PCOLCE2: variants seen among roughly 807,000 people sequenced by gnomAD.
The protein encoded by PCOLCE2 is procollagen C-proteinase enhancer 2.
In PCOLCE2, 42 loss-of-function variants were observed where a neutral mutation model predicts 47.0. That is an observed-to-expected ratio of 0.89 (90% confidence interval 0.70 to 1.16). The LOEUF (loss-of-function observed/expected upper bound fraction) is 1.16, where lower values mean the gene tolerates loss of function less well. PCOLCE2 is among the 50% of genes most tolerant of loss of function. The pLI, the probability that PCOLCE2 is intolerant of heterozygous loss-of-function variation, is 0.00. For synonymous variants in PCOLCE2, 169 were observed against 191.7 expected (o/e 0.88, Z 0.98); for missense variants, 500 against 526.1 (o/e 0.95, Z 0.49).
At chr3:142,870,429 T>C (rs1280807001) in intron 2 of PCOLCE2, among the ~76,000 whole-genome samples, 1 of 152,164 alleles carries the variant, frequency 6.6e-6, no homozygotes, top group African/African-American at 2.4e-5. Flanking sequence ...AGCATCTGGG[T>C]AGGGTTTTGT....
intron 2 of PCOLCE2, among the ~76,000 whole-genome samples, chr3:142,881,588 A>G (rs1414935014): frequency 6.6e-6 from 1 of 152,172 alleles, no homozygotes; most frequent in Non-Finnish European, 1.5e-5. Flanking sequence ...AGTATAGCCT[A>G]TTGCTCCTAG....
chr3:142,855,750 T>A (rs888888563), intron 2 of PCOLCE2, among the ~76,000 whole-genome samples: 2 of 152,048 alleles, frequency 1.3e-5, no homozygotes, highest in Non-Finnish European at 2.9e-5. Context: ...CCTTTTGGAG[T>A]TCTCTTTTTG....
intron 2 of PCOLCE2, among the ~76,000 whole-genome samples, chr3:142,886,223 C>T (rs1933715516): frequency 6.6e-6 from 1 of 152,194 alleles, no homozygotes; most frequent in South Asian, 2.1e-4. Context: ...ACTGGACGTG[C>T]CCCCCAACCC....
intron 7 of PCOLCE2, among the ~76,000 whole-genome samples, chr3:142,822,087 T>C (rs1937022217): frequency 6.6e-6 from 1 of 151,986 alleles, no homozygotes; most frequent in Non-Finnish European, 1.5e-5. Context: ...CCAGCTAATT[T>C]TGTATTTTTA....
At chr3:142,862,243 C>T (rs184247702) in intron 2 of PCOLCE2, among the ~76,000 whole-genome samples, 162 of 152,332 alleles carry the variant, frequency 1.1e-3, no homozygotes, top group Non-Finnish European at 1.7e-3. Context: ...CTAACCTCAT[C>T]TGCCCTCCTG....
At chr3:142,829,653 C>A in intron 6 of PCOLCE2, 39 bp downstream of exon 6, 1 of 1,501,512 alleles carries the variant, frequency 6.7e-7, no homozygotes, top group South Asian at 1.3e-5. Context: ...TCTTATACTC[C>A]TAAAGTTTTT....
chr3:142,853,056 T>G (rs552670330), intron 2 of PCOLCE2, among the ~76,000 whole-genome samples: 2 of 147,222 alleles, frequency 1.4e-5, no homozygotes, highest in Non-Finnish European at 3.0e-5. Context: ...CAATGAGCCA[T>G]GATCACACTG....
intron 5 of PCOLCE2, among the ~76,000 whole-genome samples, chr3:142,832,558 T>G (rs1051520905): frequency 1.3e-5 from 2 of 152,152 alleles, no homozygotes; most frequent in African/African-American, 4.8e-5. Context: ...CAATCTCCTT[T>G]CAAAAGCTTT....
chr3:142,820,575 T>C (rs965095164), intron 8 of PCOLCE2, among the ~76,000 whole-genome samples: 1 of 152,176 alleles, frequency 6.6e-6, no homozygotes, highest in South Asian at 2.1e-4. Context: ...TCTTTAAACC[T>C]AGACAGTACT....
intron 7 of PCOLCE2, among the ~76,000 whole-genome samples, chr3:142,821,715 A>T (rs1937017828): frequency 6.6e-6 from 1 of 151,328 alleles, no homozygotes; most frequent in Non-Finnish European, 1.5e-5. Context: ...TTAAAAAAAA[A>T]CCTCTAGTAA....
rs764160209 is a variant in PCOLCE2 at position 142,829,736 on chromosome 3, G to A, written c.821C>T (p.Thr274Ile). ...GGTGGTGACAGGCTGTTCTGTAGTT[G>A]TAGGCAGTTTTTTTGGCCTGAATAT... ...HYIFRPKKLPTTTEQPVTTTF... is the reference protein window; with the variant it reads ...HYIFRPKKLPITTEQPVTTTF... Residue 274 changes from threonine to isoleucine, a missense_variant, in exon 6 of 9, where the codon ACA becomes ATA. Thr to Ile is a moderately conservative substitution (Grantham distance 89, BLOSUM62 -1). Transcript: ENST00000295992. The A allele has an allele frequency of 3.7e-6, 6 of 1,609,426 alleles. No homozygotes were observed. The highest frequency in any genetic ancestry group is 2.2e-5 in the East Asian group (1 of 44,770).
intron 7 of PCOLCE2, among the ~76,000 whole-genome samples, chr3:142,821,547 T>C (rs1490227812): frequency 6.6e-6 from 1 of 152,202 alleles, no homozygotes; most frequent in Non-Finnish European, 1.5e-5. Context: ...CCTTTCTTCC[T>C]GAACTTTTGT....
intron 2 of PCOLCE2, among the ~76,000 whole-genome samples, chr3:142,869,289 T>G (rs1933339314): frequency 6.8e-6 from 1 of 147,978 alleles, no homozygotes; most frequent in African/African-American, 2.5e-5. Context: ...AGACTCTGTC[T>G]CAAAAAAAAA....
chr3:142,818,934 C>A (rs1346695679), intron 8 of PCOLCE2, among the ~76,000 whole-genome samples: 4 of 152,226 alleles, frequency 2.6e-5, no homozygotes, highest in African/African-American at 9.6e-5. Flanking sequence ...GTGAAAGACT[C>A]TCCTTCCTCG....
chr3:142,870,189 G>C (rs1164896171), intron 2 of PCOLCE2, among the ~76,000 whole-genome samples: 1 of 152,146 alleles, frequency 6.6e-6, no homozygotes, highest in Non-Finnish European at 1.5e-5. Context: ...GCAAGTGCTT[G>C]CTAGCTTCAT....
intron 1 of PCOLCE2, 115 bp from the exon 2 acceptor site, chr3:142,887,892 C>A: frequency 1.6e-6 from 1 of 636,690 alleles, no homozygotes; most frequent in Non-Finnish European, 2.8e-6. Context: ...GTTGATTAAT[C>A]AATGCTTGCA....
intron 5 of PCOLCE2, among the ~76,000 whole-genome samples, chr3:142,836,644 CT>C (rs1468721026): frequency 1.3e-5 from 2 of 152,158 alleles, no homozygotes; most frequent in East Asian, 1.9e-4. Flanking sequence ...CTTGAAATTA[CT>C]TTTTAAAGGT....
chr3:142,888,071 A>G (rs78300435), intron 1 of PCOLCE2, among the ~76,000 whole-genome samples: 1 of 152,348 alleles, frequency 6.6e-6, no homozygotes, highest in East Asian at 1.9e-4. Context: ...TGGTAAATAC[A>G]TCAATTTAAC....
rs79119655 is a variant in PCOLCE2, at chr3:142,824,089, T to C, written c.866-474A>G. Among the ~76,000 whole-genome samples, 196 of 152,342 alleles carry C rather than the reference T, an allele frequency of 1.3e-3. 6 individuals carry two copies. The East Asian group carries it at 0.032, about 25-fold the overall frequency. The stretch of plus-strand genomic sequence containing the variant: ...CATAGGTTTTTAGAAATACTGTTCA[T>C]GTGTAAAGTGTGTTACATCTGTAAT... On this transcript the variant is annotated intron_variant, in intron 6 of 8. Coordinates refer to ENST00000295992, the MANE Select transcript of PCOLCE2 (RefSeq NM_013363.4).
Sources: gnomAD v4.1 joint callset for allele counts (sites outside exome capture counted in the v4.1 genomes callset) on GRCh38, gnomAD v4.1.1 for gene constraint, MANE v1.5 for transcripts, NCBI Gene and HGNC (gene_info 2026-07-23, HGNC 2026-07-21) for gene names.